NBEA: variants seen among roughly 807,000 people sequenced by gnomAD.
NBEA encodes the protein neurobeachin.
In NBEA, 44 loss-of-function variants were observed where a neutral mutation model predicts 343.4. The observed-to-expected ratio is 0.13, with a 90% CI of 0.10 to 0.16. The LOEUF (loss-of-function observed/expected upper bound fraction) is 0.16, where lower values mean the gene tolerates loss of function less well. NBEA is among the 10% of genes least tolerant of loss of function. The pLI, the probability that NBEA is intolerant of heterozygous loss-of-function variation, is 1.00. For missense variants in NBEA, 2,555 were observed against 3,631.3 expected (o/e 0.70, Z 7.62); for synonymous variants, 1,175 against 1,238.7 (o/e 0.95, Z 1.08).
At chr13:35,555,170 A>T in intron 44 of NBEA, 68 bp downstream of exon 44, 1 of 797,094 alleles carries the variant, frequency 1.3e-6, no homozygotes, top group Non-Finnish European at 1.9e-6. Flanking sequence ...ATGTAGCCTG[A>T]TATAATACAT....
chr13:34,992,974 C>T (rs144967724), intron 1 of NBEA, among the ~76,000 whole-genome samples: 34 of 152,122 alleles, frequency 2.2e-4, no homozygotes, highest in South Asian at 2.1e-3. Flanking sequence ...TGAGCCACCA[C>T]GCCCAGCCAA....
At chr13:35,355,733 A>G (rs1302808347) in intron 38 of NBEA, among the ~76,000 whole-genome samples, 1 of 151,802 alleles carries the variant, frequency 6.6e-6, no homozygotes, top group Non-Finnish European at 1.5e-5. Flanking sequence ...CTTGCAGGTC[A>G]TGTTTGCTCT....
chr13:34,969,594 A>G (rs1228363762), intron 1 of NBEA, among the ~76,000 whole-genome samples: 1 of 151,820 alleles, frequency 6.6e-6, no homozygotes, highest in Non-Finnish European at 1.5e-5. Flanking sequence ...GTTCCCCTCT[A>G]TGTGTCAGTG....
chr13:35,416,388 C>A (rs1466652186), intron 38 of NBEA, among the ~76,000 whole-genome samples: 3 of 151,950 alleles, frequency 2.0e-5, no homozygotes, highest in Non-Finnish European at 2.9e-5. Context: ...TGAAACACAT[C>A]ATAAATTGCT....
rs373025656 is a variant in NBEA, at chr13:35,402,336, A to G, written c.6180-29933A>G. Reference sequence around the variant, plus strand: ...TAAATAAGTACAAAATCATTTCTGTATTGTGAATGCCATTTTTAAAAATAT... The same window carrying G: ...TAAATAAGTACAAAATCATTTCTGTGTTGTGAATGCCATTTTTAAAAATAT... On this transcript the variant is annotated intron_variant, in intron 38 of 58. Coordinates refer to ENST00000379939, the MANE Select transcript of NBEA (RefSeq NM_001385012.1). Among the ~76,000 whole-genome samples the G allele has an allele frequency of 1.5e-4, 23 of 152,172 alleles. No individual in the cohort carries two copies. The South Asian group carries it at 2.5e-3, about 16-fold the overall frequency.
At chr13:34,990,398 C>T (rs2060709891) in intron 1 of NBEA, among the ~76,000 whole-genome samples, 1 of 151,214 alleles carries the variant, frequency 6.6e-6, no homozygotes, top group African/African-American at 2.4e-5. Context: ...TCTATGCCCC[C>T]ACAGGCTTAG....
intron 1 of NBEA, among the ~76,000 whole-genome samples, chr13:34,951,502 G>T (rs2059348641): frequency 6.6e-6 from 1 of 152,212 alleles, no homozygotes. Context: ...AACTGAAAGT[G>T]ATCTGTCCTA....
intron 1 of NBEA, among the ~76,000 whole-genome samples, chr13:34,998,164 C>G (rs1335560832): frequency 6.6e-6 from 1 of 152,004 alleles, no homozygotes. Flanking sequence ...TGATGTGCCC[C>G]CAAGCCACAA....
chr13:35,058,988 C>G (rs2063366316), intron 8 of NBEA, 125 bp downstream of exon 8: 1 of 775,236 alleles, frequency 1.3e-6, no homozygotes, highest in East Asian at 3.3e-5. Flanking sequence ...GGAATGTAGT[C>G]AAGTTTTATT....
At chr13:35,083,906 A>C (rs1373690030) in intron 10 of NBEA, among the ~76,000 whole-genome samples, 1 of 152,174 alleles carries the variant, frequency 6.6e-6, no homozygotes, top group East Asian at 1.9e-4. Context: ...CAGAAAACAA[A>C]AAAAGGCGGA....
At chr13:35,542,480 G>C (rs969848173) in intron 41 of NBEA, among the ~76,000 whole-genome samples, 4 of 152,038 alleles carry the variant, frequency 2.6e-5, no homozygotes, top group African/African-American at 9.7e-5. Flanking sequence ...ACTGACTATA[G>C]TGCCTGCCCT....
chr13:35,158,730 G>A (rs1170260490), intron 21 of NBEA, among the ~76,000 whole-genome samples: 1 of 151,886 alleles, frequency 6.6e-6, no homozygotes, highest in African/African-American at 2.4e-5. Context: ...ATTTGGTTTG[G>A]GTAACATTGA....
In NBEA at chr13:35,472,417, A is replaced by G. The variant is rs76497503; in HGVS notation, c.6466A>G (p.Thr2156Ala). Reference sequence around the variant, plus strand: ...CCTTGCAGGCCCAGTGGTTCTCAGCACCCCTGCCCAGCTCATCGCTCCCGT... The same window carrying G: ...CCTTGCAGGCCCAGTGGTTCTCAGCGCCCCTGCCCAGCTCATCGCTCCCGT... ...DNLAGPVVLS[T>A]PAQLIAPVVV... Residue 2156 changes from threonine (T) to alanine (A), a missense_variant, in exon 41 of 59, where the codon ACC becomes GCC. By Grantham distance (58) the Thr-to-Ala change is moderately conservative (BLOSUM62 0). Coordinates refer to ENST00000379939, the MANE Select transcript of NBEA (RefSeq NM_001385012.1). The G allele has an allele frequency of 6.2e-7, 1 of 1,613,552 alleles. No individual in the cohort carries two copies. Among genetic ancestry groups the G allele is most frequent in the South Asian group, 1.1e-5 (1 of 91,032 alleles).
chr13:35,480,545 A>AT (rs1374607276), intron 41 of NBEA, among the ~76,000 whole-genome samples: 1 of 152,118 alleles, frequency 6.6e-6, no homozygotes, highest in Non-Finnish European at 1.5e-5. Flanking sequence ...TTAAAGTTTT[A>AT]TTTTTTTAAT....
Position 35,395,665 on chromosome 13 carries a change from T to C in NBEA, c.6180-36604T>C, listed in dbSNP as rs868819467. On this transcript the variant is annotated intron_variant, in intron 38 of 58. Transcript: ENST00000379939. ...ATAAATTTAAATTAGGTCAACATGGTTGATAGTGTGTTTCAGACTGTTTCT... is the reference window on the plus strand; with the variant it reads ...ATAAATTTAAATTAGGTCAACATGGCTGATAGTGTGTTTCAGACTGTTTCT... 2.0e-5 allele frequency among the ~76,000 whole-genome samples: 3 copies of C among 152,278 alleles called. No individual in the cohort carries two copies. In the Middle Eastern group the frequency reaches 0.01, roughly 518 times the overall value.
chr13:35,245,223 A>C (rs774955467), intron 34 of NBEA, among the ~76,000 whole-genome samples: 1 of 152,128 alleles, frequency 6.6e-6, no homozygotes, highest in African/African-American at 2.4e-5. Flanking sequence ...GGCAGCAGAT[A>C]CTTGTTTGGT....
chr13:34,974,029 C>T (rs113389317), intron 1 of NBEA, among the ~76,000 whole-genome samples: 1 of 152,236 alleles, frequency 6.6e-6, no homozygotes. Flanking sequence ...TCTCTCCTGA[C>T]CTGAGGGTTG....
intron 41 of NBEA, among the ~76,000 whole-genome samples, chr13:35,481,503 A>G (rs2076120153): frequency 6.6e-6 from 1 of 151,792 alleles, no homozygotes; most frequent in African/African-American, 2.4e-5. Context: ...AGAATTTTTT[A>G]TTGTTCAGCA....
chr13:35,272,024 C>T (rs929090949), intron 34 of NBEA, among the ~76,000 whole-genome samples: 3 of 152,072 alleles, frequency 2.0e-5, no homozygotes, highest in African/African-American at 4.8e-5. Flanking sequence ...AGATACTCCT[C>T]GAGACGAGCC....
Sources: gnomAD v4.1 joint callset for allele counts (sites outside exome capture counted in the v4.1 genomes callset) on GRCh38, gnomAD v4.1.1 for gene constraint, MANE v1.5 for transcripts, NCBI Gene and HGNC (gene_info 2026-07-23, HGNC 2026-07-21) for gene names.